Variants in HS3ST4 observed in about 807,000 individuals in gnomAD.
The protein encoded by HS3ST4 is heparan sulfate glucosamine 3-O-sulfotransferase 4.
In HS3ST4, 17 loss-of-function variants were observed where a neutral mutation model predicts 29.2. The observed-to-expected ratio is 0.58, with a 90% confidence interval of 0.40 to 0.87. The LOEUF is 0.87. HS3ST4 is among the 40% of genes least tolerant of loss of function. The pLI is 0.00. For missense variants in HS3ST4, 627 were observed against 634.5 expected (o/e 0.99, Z 0.13); for synonymous variants, 314 against 285.7 (o/e 1.10, Z -1.00).
At chr16:25,901,821 C>G (rs1968122300) in intron 1 of HS3ST4, among the ~76,000 whole-genome samples, 1 of 152,206 alleles carries the variant, frequency 6.6e-6, no homozygotes, top group South Asian at 2.1e-4. Flanking sequence ...CTCACCACTC[C>G]TTTCATTTTT....
intron 1 of HS3ST4, among the ~76,000 whole-genome samples, chr16:26,110,455 G>A (rs969754384): frequency 1.3e-5 from 2 of 152,154 alleles, no homozygotes; most frequent in Admixed American, 6.5e-5. Context: ...TCCTCCCAAT[G>A]TCTTCCTTCA....
intron 1 of HS3ST4, among the ~76,000 whole-genome samples, chr16:26,042,471 C>A (rs1969644221): frequency 6.6e-6 from 1 of 152,156 alleles, no homozygotes; most frequent in Admixed American, 6.5e-5. Context: ...CTGTTTTCCT[C>A]TTTAACATCC....
intron 1 of HS3ST4, among the ~76,000 whole-genome samples, chr16:25,805,894 C>T (rs1470077805): frequency 6.6e-6 from 1 of 152,044 alleles, no homozygotes; most frequent in African/African-American, 2.4e-5. Context: ...TGTGTTTTTC[C>T]CCTTTCTGTG....
intron 1 of HS3ST4, among the ~76,000 whole-genome samples, chr16:25,884,761 T>C (rs922536598): frequency 6.6e-6 from 1 of 152,184 alleles, no homozygotes; most frequent in Admixed American, 6.5e-5. Flanking sequence ...TGATGGGGTT[T>C]CGCCATGTTG....
At chr16:25,939,456 G>A (rs1483620525) in intron 1 of HS3ST4, among the ~76,000 whole-genome samples, 1 of 151,844 alleles carries the variant, frequency 6.6e-6, no homozygotes, top group South Asian at 2.1e-4. Context: ...TCCTGCCTCA[G>A]CCTCCCGAGT....
chr16:25,755,551 A>G (rs1261619585), intron 1 of HS3ST4, among the ~76,000 whole-genome samples: 1 of 152,200 alleles, frequency 6.6e-6, no homozygotes, highest in Non-Finnish European at 1.5e-5. Flanking sequence ...TCTAGGTCAG[A>G]GGTCATAAAA....
intron 1 of HS3ST4, among the ~76,000 whole-genome samples, chr16:26,117,288 A>C (rs760597281): frequency 6.6e-6 from 1 of 152,140 alleles, no homozygotes; most frequent in Non-Finnish European, 1.5e-5. Context: ...GAACCAGCAC[A>C]CTCAACTTAT....
chr16:25,868,781 C>T (rs561803169), intron 1 of HS3ST4, among the ~76,000 whole-genome samples: 18 of 152,182 alleles, frequency 1.2e-4, no homozygotes, highest in South Asian at 6.2e-4. Flanking sequence ...ATCCCTGCTG[C>T]GTTCCTCACA....
chr16:26,129,491 A>G (rs919952452), intron 1 of HS3ST4, among the ~76,000 whole-genome samples: 1 of 152,194 alleles, frequency 6.6e-6, no homozygotes, highest in Non-Finnish European at 1.5e-5. Context: ...TAAAGTGGGG[A>G]TTACAATAAA....
At chr16:25,956,795 A>G (rs1430831630) in intron 1 of HS3ST4, among the ~76,000 whole-genome samples, 2 of 151,970 alleles carry the variant, frequency 1.3e-5, no homozygotes, top group African/African-American at 4.8e-5. Flanking sequence ...TCAGGAGATC[A>G]AGACCATCCT....
intron 1 of HS3ST4, among the ~76,000 whole-genome samples, chr16:26,020,820 G>T (rs4302039): frequency 0.011 from 1,629 of 152,212 alleles, 30 homozygotes; most frequent in African/African-American, 0.037. Flanking sequence ...AGAAGCCCGG[G>T]CTGAGAACAC....
chr16:25,981,626 T>C (rs1325080595), intron 1 of HS3ST4, among the ~76,000 whole-genome samples: 1 of 147,168 alleles, frequency 6.8e-6, no homozygotes, highest in Non-Finnish European at 1.5e-5. Flanking sequence ...TTTTTTTTTT[T>C]AGACGGAATC....
intron 1 of HS3ST4, among the ~76,000 whole-genome samples, chr16:25,991,707 C>T (rs1969115026): frequency 6.6e-6 from 1 of 152,188 alleles, no homozygotes; most frequent in South Asian, 2.1e-4. Flanking sequence ...AAATTATGTC[C>T]ATTATGCAGA....
chr16:26,018,643 A>G lies in HS3ST4; in HGVS notation c.735-116969A>G, dbSNP rs141343828. ...AATATTGACAAAGTCAGGAAAGGAG[A>G]CAATATCCTGACTCCCTACTTTTGA... On this transcript the variant is annotated intron_variant, in intron 1 of 1. Coordinates refer to ENST00000331351, the MANE Select transcript of HS3ST4 (RefSeq NM_006040.3). 1.1e-4 allele frequency among the ~76,000 whole-genome samples: 16 copies of G among 152,256 alleles called. No homozygotes were observed. The East Asian group carries it at 2.3e-3, about 22-fold the overall frequency.
intron 1 of HS3ST4, among the ~76,000 whole-genome samples, chr16:25,762,700 C>T (rs776292707): frequency 5.3e-5 from 8 of 151,368 alleles, no homozygotes; most frequent in Non-Finnish European, 7.4e-5. Flanking sequence ...AACCCTGTCC[C>T]TACTAAAACA....
intron 1 of HS3ST4, among the ~76,000 whole-genome samples, chr16:25,865,862 T>C (rs577263743): frequency 6.6e-6 from 1 of 152,230 alleles, no homozygotes; most frequent in Non-Finnish European, 1.5e-5. Context: ...CCCAAAAGTC[T>C]AAAGCCACTA....
intron 1 of HS3ST4, among the ~76,000 whole-genome samples, chr16:26,041,670 CAT>C (rs1015538389): frequency 2.3e-4 from 35 of 151,440 alleles, no homozygotes; most frequent in African/African-American, 8.2e-4. Flanking sequence ...GCTGTCGAGA[CAT>C]AGAAAAAAAA....
intron 1 of HS3ST4, among the ~76,000 whole-genome samples, chr16:25,756,123 CACAT>C (rs965994640): frequency 5.7e-5 from 7 of 121,980 alleles, no homozygotes; most frequent in Admixed American, 1.7e-4. Context: ...CACACACACA[CACAT>C]ACACACACAC....
intron 1 of HS3ST4, among the ~76,000 whole-genome samples, chr16:26,101,477 C>T (rs1190687373): frequency 1.3e-5 from 2 of 152,226 alleles, no homozygotes; most frequent in Non-Finnish European, 2.9e-5. Context: ...AGAACTTGTC[C>T]ATCATCCCAG....
Sources: gnomAD v4.1 joint callset for allele counts (sites outside exome capture counted in the v4.1 genomes callset) on GRCh38, gnomAD v4.1.1 for gene constraint, MANE v1.5 for transcripts, NCBI Gene and HGNC (gene_info 2026-07-23, HGNC 2026-07-21) for gene names.